CLSTN2: variants seen among roughly 807,000 people sequenced by gnomAD.
CLSTN2 encodes the protein calsyntenin 2, also known as calsyntenin-2.
In CLSTN2, 48 loss-of-function variants were observed where a neutral mutation model predicts 101.2. The observed-to-expected ratio is 0.47, with a 90% confidence interval of 0.38 to 0.60. CLSTN2 has a LOEUF of 0.60. Ranked by LOEUF, CLSTN2 falls within the 20% of genes least tolerant of loss-of-function variation. The probability of loss-of-function intolerance (pLI) is 0.00; values close to 1 mark genes in which losing one functional copy is unlikely to be tolerated. For missense variants in CLSTN2, 1,160 were observed against 1,238.2 expected (o/e 0.94, Z 0.95); for synonymous variants, 481 against 463.6 (o/e 1.04, Z -0.48).
intron 1 of CLSTN2, among the ~76,000 whole-genome samples, chr3:139,955,233 A>G (rs538802065): frequency 1.1e-4 from 16 of 149,914 alleles, no homozygotes; most frequent in South Asian, 2.2e-4. Context: ...TGAATAGTGT[A>G]TGAATCCTCA....
intron 2 of CLSTN2, among the ~76,000 whole-genome samples, chr3:140,177,127 G>T (rs1170133338): frequency 6.6e-6 from 1 of 152,202 alleles, no homozygotes; most frequent in African/African-American, 2.4e-5. Flanking sequence ...CTTGCAAAGA[G>T]TGAGGGAGAT....
intron 2 of CLSTN2, among the ~76,000 whole-genome samples, chr3:140,398,379 G>A (rs576352899): frequency 3.9e-5 from 6 of 152,134 alleles, no homozygotes; most frequent in Non-Finnish European, 7.4e-5. Context: ...CTACATGTAT[G>A]CTTTGATGAA....
intron 1 of CLSTN2, among the ~76,000 whole-genome samples, chr3:140,021,097 C>T (rs2007306484): frequency 6.6e-6 from 1 of 152,176 alleles, no homozygotes; most frequent in Non-Finnish European, 1.5e-5. Context: ...ACTTGATGCT[C>T]CTCCCACCTG....
chr3:140,084,488 A>G (rs1288159000), intron 1 of CLSTN2, among the ~76,000 whole-genome samples: 2 of 152,220 alleles, frequency 1.3e-5, no homozygotes, highest in Non-Finnish European at 2.9e-5. Flanking sequence ...ATGCATTCAA[A>G]TGTATGATAG....
chr3:140,171,576 TG>T (rs1434722348), intron 1 of CLSTN2, among the ~76,000 whole-genome samples: 5 of 143,888 alleles, frequency 3.5e-5, no homozygotes, highest in Non-Finnish European at 3.0e-5. Context: ...AAATTTGTAA[TG>T]TAATATATAA....
intron 2 of CLSTN2, among the ~76,000 whole-genome samples, chr3:140,228,673 A>C (rs970071101): frequency 1.1e-4 from 17 of 152,200 alleles, no homozygotes; most frequent in Non-Finnish European, 2.4e-4. Flanking sequence ...GTTTAATTCA[A>C]CTTACAGTTC....
At chr3:139,942,213 G>A (rs573080398) in intron 1 of CLSTN2, among the ~76,000 whole-genome samples, 7 of 152,258 alleles carry the variant, frequency 4.6e-5, no homozygotes, top group East Asian at 1.9e-4. Flanking sequence ...TGAAAGAATC[G>A]GTTTCCCTGA....
intron 2 of CLSTN2, among the ~76,000 whole-genome samples, chr3:140,401,048 G>A (rs112350005): frequency 0.013 from 1,994 of 152,322 alleles, 44 homozygotes; most frequent in African/African-American, 0.044. Flanking sequence ...GACTGCAAGC[G>A]GCTTACAGGC....
At chr3:140,156,976 T>C (rs1234081859) in intron 1 of CLSTN2, among the ~76,000 whole-genome samples, 5 of 152,112 alleles carry the variant, frequency 3.3e-5, no homozygotes, top group Non-Finnish European at 7.4e-5. Context: ...TAAAGGCTCT[T>C]TTGAATCTGA....
In CLSTN2 at chr3:139,936,329, G is replaced by T. The variant is rs184505662; in HGVS notation, c.109+846G>T. Among the ~76,000 whole-genome samples, 762 of 152,286 alleles carry T rather than the reference G, an allele frequency of 5.0e-3. 6 individuals carry two copies. Among genetic ancestry groups the T allele is most frequent in the South Asian group, 8.7e-3 (42 of 4,814 alleles). Reference sequence around the variant, plus strand: ...ACAGGAGGTCACGTGCTTGCAGGGGGTGGGGAGGCGAGGGAAGAGCAGAGC... The same window carrying T: ...ACAGGAGGTCACGTGCTTGCAGGGGTTGGGGAGGCGAGGGAAGAGCAGAGC... On this transcript the variant is annotated intron_variant, in intron 1 of 16. Coordinates refer to ENST00000458420, the MANE Select transcript of CLSTN2 (RefSeq NM_022131.3).
intron 1 of CLSTN2, among the ~76,000 whole-genome samples, chr3:139,943,734 T>C (rs1935172690): frequency 6.6e-6 from 1 of 152,126 alleles, no homozygotes; most frequent in South Asian, 2.1e-4. Context: ...AATCAGCTCG[T>C]CTCAGTTTTA....
intron 12 of CLSTN2, among the ~76,000 whole-genome samples, chr3:140,560,919 T>C (rs1190423579): frequency 1.3e-5 from 2 of 152,126 alleles, no homozygotes; most frequent in Non-Finnish European, 2.9e-5. Context: ...TGCTTTTAGA[T>C]TTTGCTGATT....
chr3:140,021,539 A>G (rs1397720863), intron 1 of CLSTN2, among the ~76,000 whole-genome samples: 1 of 152,070 alleles, frequency 6.6e-6, no homozygotes. Context: ...TGTACCTGGT[A>G]TTCTGTGGTC....
intron 8 of CLSTN2, among the ~76,000 whole-genome samples, chr3:140,526,598 A>C (rs978820244): frequency 7.6e-5 from 10 of 130,852 alleles, no homozygotes; most frequent in Non-Finnish European, 1.0e-4. Context: ...AAACAAACAA[A>C]AAAAAAAAAC....
chr3:140,413,286 T>C (rs1346675713), intron 4 of CLSTN2, among the ~76,000 whole-genome samples: 4 of 152,170 alleles, frequency 2.6e-5, no homozygotes, highest in Non-Finnish European at 4.4e-5. Flanking sequence ...CAACAAATTG[T>C]ATAACCTAGG....
chr3:140,277,512 T>A (rs2086805367), intron 2 of CLSTN2, among the ~76,000 whole-genome samples: 1 of 152,226 alleles, frequency 6.6e-6, no homozygotes, highest in African/African-American at 2.4e-5. Context: ...TACTTAGCAA[T>A]AGCTCACCTT....
chr3:140,503,150 T>C (rs1029100656), intron 8 of CLSTN2, among the ~76,000 whole-genome samples: 1 of 152,180 alleles, frequency 6.6e-6, no homozygotes, highest in Non-Finnish European at 1.5e-5. Flanking sequence ...AGGACCTTTG[T>C]GTAGCATTGG....
At chr3:140,410,441 G>C (rs545314945) in intron 4 of CLSTN2, among the ~76,000 whole-genome samples, 48 of 149,418 alleles carry the variant, frequency 3.2e-4, no homozygotes, top group Admixed American at 2.6e-3. Flanking sequence ...ACCAACCAAG[G>C]GTACTTTACC....
At chr3:140,413,150 G>A (rs1347838270) in intron 4 of CLSTN2, among the ~76,000 whole-genome samples, 1 of 151,548 alleles carries the variant, frequency 6.6e-6, no homozygotes, top group Non-Finnish European at 1.5e-5. Flanking sequence ...CTTTACCTAG[G>A]CTAAGAAAAA....
Sources: gnomAD v4.1 joint callset for allele counts (sites outside exome capture counted in the v4.1 genomes callset) on GRCh38, gnomAD v4.1.1 for gene constraint, MANE v1.5 for transcripts, NCBI Gene and HGNC (gene_info 2026-07-23, HGNC 2026-07-21) for gene names.